Variants in SLC12A3 observed in about 807,000 individuals in gnomAD.
SLC12A3 encodes solute carrier family 12 member 3.
Under a neutral mutation model 121.0 loss-of-function variants are expected in SLC12A3, and 104 were observed. The ratio of observed to expected loss-of-function variants is 0.86; its 90% CI spans 0.73 to 1.01. SLC12A3 has a LOEUF of 1.01. Ranked by LOEUF, SLC12A3 falls within the 50% of genes least tolerant of loss-of-function variation. The probability of loss-of-function intolerance (pLI) is 0.00; values close to 1 mark genes in which losing one functional copy is unlikely to be tolerated. For missense variants in SLC12A3, 1,328 were observed against 1,356.3 expected, an observed-to-expected ratio of 0.98 and a Z score of 0.33; for synonymous variants, 536 against 533.4, an observed-to-expected ratio of 1.00 and a Z score of -0.07.
intron 5 of SLC12A3, 89 bp downstream of exon 5, chr16:56,870,324 G>A: frequency 1.4e-6 from 2 of 1,419,590 alleles, no homozygotes; most frequent in Non-Finnish European, 1.9e-6. Context: ...GCCTCCTGCT[G>A]CTCTGCCTGA....
At chr16:56,871,334 T>A (rs1275213514) in intron 6 of SLC12A3, among the ~76,000 whole-genome samples, 1 of 152,198 alleles carries the variant, frequency 6.6e-6, no homozygotes, top group East Asian at 1.9e-4. Context: ...AGGGAGGGAA[T>A]TCCCTTTTCT....
chr16:56,867,313 C>A (rs1964380793), intron 2 of SLC12A3, 97 bp downstream of exon 2: 1 of 1,243,992 alleles, frequency 8.0e-7, no homozygotes, highest in Non-Finnish European at 1.1e-6. Context: ...CCTGGTGGGG[C>A]TTCAGTTTCC....
intron 15 of SLC12A3, among the ~76,000 whole-genome samples, chr16:56,885,846 G>A (rs1214800542): frequency 1.3e-5 from 2 of 152,182 alleles, no homozygotes; most frequent in African/African-American, 4.8e-5. Flanking sequence ...AGAACCGGCT[G>A]AGGTCCAGGA....
At chr16:56,869,413 C>T (rs4784734) in intron 3 of SLC12A3, among the ~76,000 whole-genome samples, 18,303 of 152,062 alleles carry the variant, frequency 0.12, 1,258 homozygotes, top group Non-Finnish European at 0.15. Context: ...CTGCAACCTC[C>T]GCCTCCTGGG....
At chr16:56,913,119 A>G in intron 25 of SLC12A3, 145 bp from the exon 26 acceptor site, 1 of 1,016,286 alleles carries the variant, frequency 9.8e-7, no homozygotes, top group Non-Finnish European at 1.5e-6. Context: ...GTTTGTGCGG[A>G]AAGTGGGGAG....
rs1348345754 is a variant in SLC12A3 at position 56,915,710 on chromosome 16, G to T, written c.*2305G>T. On this transcript the variant is annotated 3_prime_UTR_variant, in exon 26 of 26. Coordinates refer to ENST00000563236, the MANE Select transcript of SLC12A3 (RefSeq NM_001126108.2). ...AAAAAACAGAATGTTTTGGCTTCGG[G>T]TGTCAAAAAAAAAATTTTCACGATG... 1 of 151,896 alleles carries T rather than the reference G, an allele frequency of 6.6e-6. No homozygotes were observed. 9.4% of individuals were successfully genotyped at this position (151,896 alleles called of 1,614,324 possible).
rs1596885818 is a variant in SLC12A3, at chr16:56,867,132, T to C, written c.345T>C (p.Asp115=). The change falls in exon 2 of 26, where the codon GAT becomes GAC. Residue 115 remains aspartate, a synonymous_variant. Transcript: ENST00000563236. ...GCCGGCCCAGCCACGAGATGACTGA[T>C]GGGCTGGTGGAGGGCGAGGCAGGCA... ...FDSRPSHEMT[D]GLVEGEAGTS... The C allele has an allele frequency of 6.2e-7, 1 of 1,614,010 alleles. No homozygotes were observed.
intron 18 of SLC12A3, among the ~76,000 whole-genome samples, 164 bp from the exon 19 acceptor site, chr16:56,890,110 C>T (rs1413977364): frequency 6.6e-6 from 1 of 152,148 alleles, no homozygotes; most frequent in East Asian, 1.9e-4. Flanking sequence ...GGGTACTCTC[C>T]AATTCTGCCT....
intron 22 of SLC12A3, among the ~76,000 whole-genome samples, chr16:56,895,191 A>AG (rs1567443209): frequency 1.1e-4 from 12 of 111,964 alleles, no homozygotes; most frequent in African/African-American, 3.6e-4. Context: ...TATATATTTT[A>AG]ATTTTTTTTT....
At position 56,882,509 on chromosome 16, in the gene SLC12A3, C is replaced by G. The variant is rs531260802; in HGVS notation, c.1669+12C>G. On this transcript the variant is annotated intron_variant, in intron 13 of 25. Transcript: ENST00000563236. ...CACCAACTCGCCTGGTAAGCAAACCCTTCACCCACCTCAGGAGGAGGCACC... is the reference window on the plus strand; with the variant it reads ...CACCAACTCGCCTGGTAAGCAAACCGTTCACCCACCTCAGGAGGAGGCACC... 1.0e-5 allele frequency: 16 copies of G among 1,604,716 alleles called. No homozygotes were observed. In the South Asian group the frequency reaches 1.5e-4, roughly 15 times the overall value.
Position 56,867,233 on chromosome 16 carries a change from T to C in SLC12A3, c.429+17T>C. ...GGGGTGATGGTGAGTGGGGTGTGGG[T>C]GGTGCGTGATGTCCAGAAATGGGGG... is the stretch of plus-strand genomic sequence containing the variant. On this transcript the variant is annotated intron_variant, in intron 2 of 25. Coordinates refer to ENST00000563236, the MANE Select transcript of SLC12A3 (RefSeq NM_001126108.2). 1 of 1,595,170 alleles carries C rather than the reference T, an allele frequency of 6.3e-7. No individual in the cohort carries two copies. The highest frequency in any genetic ancestry group is 8.5e-7 in the Non-Finnish European group (1 of 1,171,506).
intron 9 of SLC12A3, 22 bp from the exon 10 acceptor site, chr16:56,879,051 A>G: frequency 6.3e-7 from 1 of 1,595,674 alleles, no homozygotes; most frequent in Non-Finnish European, 8.5e-7. Flanking sequence ...AGACCTCCCC[A>G]TGCTCTCCTT....
chr16:56,897,282 G>A (rs775728313), intron 22 of SLC12A3, among the ~76,000 whole-genome samples: 3 of 152,172 alleles, frequency 2.0e-5, no homozygotes, highest in Non-Finnish European at 2.9e-5. Context: ...GATACAGACA[G>A]ATGGGGCAGT....
rs1325773222 is a variant in SLC12A3, at chr16:56,872,482, C to A, written c.964+20C>A. 3.1e-6 allele frequency: 5 copies of A among 1,603,920 alleles called. No individual in the cohort carries two copies. The South Asian group carries it at 5.5e-5, about 18-fold the overall frequency. On this transcript the variant is annotated intron_variant, in intron 7 of 25. Transcript: ENST00000563236. ...ACCGGGGTATGTGCTGATCAAGGCC[C>A]TGACCATGGCTCTGGGGACAGGGAC... is the stretch of plus-strand genomic sequence containing the variant.
In SLC12A3 at chr16:56,905,833, G is replaced by A. The variant is rs191686236; in HGVS notation, c.2924+1371G>A. Among the ~76,000 whole-genome samples, 13 of 152,312 alleles carry A rather than the reference G, an allele frequency of 8.5e-5. No individual in the cohort carries two copies. The East Asian group carries it at 2.5e-3, about 29-fold the overall frequency. On this transcript the variant is annotated intron_variant, in intron 25 of 25. Transcript: ENST00000563236. ...AACTGATCATAGTTTGATCATTGAT[G>A]TAGACAGATGATGACGTGGGCATGA...
intron 9 of SLC12A3, 123 bp from the exon 10 acceptor site, chr16:56,878,950 T>C (rs1177236796): frequency 1.8e-6 from 2 of 1,142,090 alleles, no homozygotes; most frequent in Non-Finnish European, 2.6e-6. Context: ...ATCATTATCA[T>C]TGCATAATGA....
intron 18 of SLC12A3, 120 bp downstream of exon 18, chr16:56,888,151 C>T: frequency 1.4e-6 from 1 of 689,738 alleles, no homozygotes. Context: ...AAGTGGCTGG[C>T]ATCTGTAGTC....
At position 56,914,278 on chromosome 16, in the gene SLC12A3, T is replaced by C. The variant is rs898018821; in HGVS notation, c.*873T>C. Reference sequence around the variant, plus strand: ...AAGGGGTCTTTGATGTCTTCACTGGTTCTTTGGACGAGGGACTTTTCGAAC... The same window carrying C: ...AAGGGGTCTTTGATGTCTTCACTGGCTCTTTGGACGAGGGACTTTTCGAAC... On this transcript the variant is annotated 3_prime_UTR_variant, in exon 26 of 26. Coordinates refer to ENST00000563236, the MANE Select transcript of SLC12A3 (RefSeq NM_001126108.2). The C allele has an allele frequency of 6.6e-6, 1 of 152,208 alleles. No homozygotes were observed. The highest frequency in any genetic ancestry group is 2.4e-5 in the African/African-American group (1 of 41,448). 9.4% of individuals were successfully genotyped at this position (152,208 alleles called of 1,614,324 possible).
chr16:56,904,215 C>T (rs765104658), intron 24 of SLC12A3, 180 bp from the exon 25 acceptor site: 1 of 632,206 alleles, frequency 1.6e-6, no homozygotes, highest in South Asian at 1.6e-5. Context: ...CTTGGTGCTC[C>T]ATTACTCTGA....
Sources: allele counts gnomAD v4.1 joint callset (sites outside exome capture counted in the v4.1 genomes callset), GRCh38; gene constraint gnomAD v4.1.1; transcripts MANE v1.5; gene names NCBI Gene and HGNC (gene_info 2026-07-23, HGNC 2026-07-21).